The following CLVS2 variants were observed in gnomAD, a reference collection of about 807,000 sequenced individuals.
CLVS2 encodes the protein clavesin 2.
Under a neutral mutation model 29.0 loss-of-function variants are expected in CLVS2, and 19 were observed. That is an observed-to-expected ratio of 0.66 (90% confidence interval 0.46 to 0.96). The LOEUF is 0.96. CLVS2 is among the 40% of genes least tolerant of loss of function. The pLI, the probability that CLVS2 is intolerant of heterozygous loss-of-function variation, is 0.00. For missense variants in CLVS2, 294 were observed against 404.1 expected (o/e 0.73, Z 2.34); for synonymous variants, 161 against 151.3 (o/e 1.06, Z -0.47).
At chr6:123,063,491 C>G (rs1017858324) in intron 5 of CLVS2, among the ~76,000 whole-genome samples, 183 bp from the exon 6 acceptor site, 1 of 152,050 alleles carries the variant, frequency 6.6e-6, no homozygotes, top group Non-Finnish European at 1.5e-5. Context: ...TTTCCTCACT[C>G]CAGTGCAAAA....
At chr6:123,060,758 T>G (rs1242085639) in intron 5 of CLVS2, among the ~76,000 whole-genome samples, 1 of 152,222 alleles carries the variant, frequency 6.6e-6, no homozygotes. Flanking sequence ...ATGTGGGTAT[T>G]ATTTTTCCCA....
rs1011651404 is a variant in CLVS2, at chr6:123,068,530, C to G, written c.*4769C>G. On this transcript the variant is annotated 3_prime_UTR_variant, in exon 6 of 6. Coordinates refer to ENST00000275162, the MANE Select transcript of CLVS2 (RefSeq NM_001010852.4). ...ATTTACTTTTAACAGAGATACAAAG[C>G]ACTGTCTTGTTTCTAATCCAATTTT... 6.6e-6 allele frequency: 1 copy of G among 151,654 alleles called. No homozygotes were observed. 9.4% of individuals were successfully genotyped at this position (151,654 alleles called of 1,614,324 possible).
intron 5 of CLVS2, among the ~76,000 whole-genome samples, chr6:123,059,177 T>C (rs1772739709): frequency 6.6e-6 from 1 of 152,122 alleles, no homozygotes; most frequent in African/African-American, 2.4e-5. Flanking sequence ...AAATGGGTGG[T>C]CCCAATCAAA....
At chr6:123,026,552 T>C (rs1479242430) in intron 3 of CLVS2, among the ~76,000 whole-genome samples, 1 of 152,142 alleles carries the variant, frequency 6.6e-6, no homozygotes, top group Non-Finnish European at 1.5e-5. Context: ...CTGTGATGGG[T>C]CACATTTGGG....
chr6:123,034,814 G>T (rs1235532370), intron 3 of CLVS2, among the ~76,000 whole-genome samples: 1 of 152,038 alleles, frequency 6.6e-6, no homozygotes, highest in Non-Finnish European at 1.5e-5. Flanking sequence ...ATTTCACTGG[G>T]AGAAGCCGGG....
chr6:123,048,646 G>A lies in CLVS2; in HGVS notation c.589G>A (p.Gly197Arg). 1 of 1,613,040 alleles carries A rather than the reference G, an allele frequency of 6.2e-7. No homozygotes were observed. Among genetic ancestry groups the A allele is most frequent in the Non-Finnish European group, 8.5e-7 (1 of 1,179,244 alleles). ...LQDSFPARFG[G>R]IHFVNQPWYI... ...GGATAGTTTCCCAGCGCGATTTGGA[G>A]GAATTCATTTTGTCAATCAACCATG... Residue 197 changes from glycine to arginine, a missense_variant, in exon 4 of 6, where the codon GGA becomes AGA. Around this residue, in one of 2 missense-constraint regions of CLVS2, gnomAD observed 212 missense variants for 336.4 expected, o/e 0.63. Coordinates refer to ENST00000275162, the MANE Select transcript of CLVS2 (RefSeq NM_001010852.4).
chr6:122,999,929 T>A (rs555769776), intron 2 of CLVS2, among the ~76,000 whole-genome samples: 2 of 152,318 alleles, frequency 1.3e-5, no homozygotes, highest in East Asian at 3.9e-4. Context: ...TTCATATATA[T>A]GAGAAAGTGA....
chr6:123,039,395 A>G (rs964082244), intron 3 of CLVS2, among the ~76,000 whole-genome samples: 4 of 152,172 alleles, frequency 2.6e-5, no homozygotes, highest in Non-Finnish European at 4.4e-5. Context: ...TAAAAGTGGC[A>G]CAGTTATTTG....
chr6:123,015,261 T>C (rs1394149068), intron 3 of CLVS2, among the ~76,000 whole-genome samples: 1 of 151,996 alleles, frequency 6.6e-6, no homozygotes, highest in Admixed American at 6.6e-5. Context: ...TGGTGTGGCT[T>C]GTGCTCTCCA....
chr6:123,027,052 A>T (rs1775012503), intron 3 of CLVS2, among the ~76,000 whole-genome samples: 1 of 152,112 alleles, frequency 6.6e-6, no homozygotes, highest in Admixed American at 6.6e-5. Context: ...AAATGCATAT[A>T]TTGCATTATG....
At chr6:123,049,480 G>C (rs1234804990) in intron 4 of CLVS2, among the ~76,000 whole-genome samples, 1 of 152,206 alleles carries the variant, frequency 6.6e-6, no homozygotes, top group East Asian at 1.9e-4. Flanking sequence ...CTGTTTTAGA[G>C]CTGAAGAAAC....
intron 5 of CLVS2, among the ~76,000 whole-genome samples, chr6:123,063,149 C>T (rs1772802834): frequency 6.6e-6 from 1 of 152,026 alleles, no homozygotes; most frequent in African/African-American, 2.4e-5. Flanking sequence ...TTAACAGAAA[C>T]ATACAAATTT....
intron 2 of CLVS2, among the ~76,000 whole-genome samples, chr6:123,005,803 G>A (rs141743234): frequency 6.6e-6 from 1 of 152,024 alleles, no homozygotes. Context: ...TCTGGTCCAG[G>A]AGCATGTTTT....
chr6:123,054,926 T>G (rs532380344), intron 4 of CLVS2, among the ~76,000 whole-genome samples: 29 of 152,082 alleles, frequency 1.9e-4, no homozygotes, highest in African/African-American at 5.5e-4. Flanking sequence ...CCATTGCTAC[T>G]GAGGGTTAAA....
intron 3 of CLVS2, among the ~76,000 whole-genome samples, chr6:123,031,524 C>T (rs1306187687): frequency 6.6e-6 from 1 of 152,208 alleles, no homozygotes. Context: ...TTTCACCACA[C>T]ACACATACAA....
At chr6:123,061,030 G>C (rs906072702) in intron 5 of CLVS2, among the ~76,000 whole-genome samples, 1 of 152,266 alleles carries the variant, frequency 6.6e-6, no homozygotes, top group Non-Finnish European at 1.5e-5. Context: ...GCTGGGCACA[G>C]TGGCCCATGC....
chr6:123,062,505 A>G (rs1386057317), intron 5 of CLVS2, among the ~76,000 whole-genome samples: 1 of 151,992 alleles, frequency 6.6e-6, no homozygotes, highest in African/African-American at 2.4e-5. Flanking sequence ...ATAGGCATCT[A>G]ATGCCTATTT....
At chr6:123,041,652 AT>A (rs1379946803) in intron 3 of CLVS2, among the ~76,000 whole-genome samples, 1 of 152,230 alleles carries the variant, frequency 6.6e-6, no homozygotes, top group Admixed American at 6.5e-5. Flanking sequence ...TGGGGAAATG[AT>A]TTTTTTTAAT....
intron 3 of CLVS2, among the ~76,000 whole-genome samples, chr6:123,043,636 T>C (rs1277384415): frequency 6.6e-6 from 1 of 152,304 alleles, no homozygotes; most frequent in Non-Finnish European, 1.5e-5. Flanking sequence ...AACTGATTGG[T>C]TTAGGACCCT....
Sources: gnomAD v4.1 joint callset for allele counts (sites outside exome capture counted in the v4.1 genomes callset) on GRCh38, gnomAD v4.1.1 for gene constraint, gnomAD v4.1.1 regional missense constraint, MANE v1.5 for transcripts, NCBI Gene and HGNC (gene_info 2026-07-23, HGNC 2026-07-21) for gene names.